The following LARGE1 variants were observed in gnomAD, a reference collection of about 807,000 sequenced individuals.
The protein encoded by LARGE1 is LARGE xylosyl- and glucuronyltransferase 1.
Under a neutral mutation model 87.6 loss-of-function variants are expected in LARGE1, and 43 were observed. The ratio of observed to expected loss-of-function variants is 0.49; its 90% CI spans 0.38 to 0.63. The LOEUF (loss-of-function observed/expected upper bound fraction) is 0.63. LARGE1 is among the 30% of genes least tolerant of loss of function. LARGE1 has a pLI of 0.00. For synonymous variants in LARGE1, 434 were observed against 394.6 expected, an observed-to-expected ratio of 1.10 and a Z score of -1.18; for missense variants, 802 against 1,000.2, an observed-to-expected ratio of 0.80 and a Z score of 2.67.
intron 11 of LARGE1, among the ~76,000 whole-genome samples, chr22:33,315,157 G>A (rs756345835): frequency 2.0e-5 from 3 of 152,150 alleles, no homozygotes; most frequent in Non-Finnish European, 4.4e-5. Flanking sequence ...TGCTGTTTAT[G>A]TGACTAGCTC....
chr22:33,593,123 G>C (rs71313167), intron 5 of LARGE1, among the ~76,000 whole-genome samples: 13,950 of 152,120 alleles, frequency 0.092, 763 homozygotes, highest in Middle Eastern at 0.15. Flanking sequence ...ACAGGCGTGA[G>C]CCACAGCGCC....
chr22:33,770,771 G>A (rs769425789), intron 1 of LARGE1, among the ~76,000 whole-genome samples: 1 of 152,138 alleles, frequency 6.6e-6, no homozygotes, highest in Non-Finnish European at 1.5e-5. Context: ...TTATGTGTAT[G>A]TGTGTGCATG....
intron 1 of LARGE1, among the ~76,000 whole-genome samples, chr22:33,829,022 T>TTC (rs2062886621): frequency 6.8e-6 from 1 of 146,578 alleles, no homozygotes; most frequent in Non-Finnish European, 1.5e-5. Context: ...TTTTTTTTTT[T>TTC]TTTTTTGAGA....
At chr22:33,359,885 GT>G (rs2064321820) in intron 9 of LARGE1, among the ~76,000 whole-genome samples, 1 of 149,516 alleles carries the variant, frequency 6.7e-6, no homozygotes, top group African/African-American at 2.5e-5. Context: ...CTTAACGTGT[GT>G]TCTGAGCTAG....
chr22:33,771,413 C>A (rs1458401914), intron 1 of LARGE1, among the ~76,000 whole-genome samples: 2 of 152,134 alleles, frequency 1.3e-5, no homozygotes, highest in African/African-American at 4.8e-5. Flanking sequence ...TTCAGTTAAT[C>A]ATTTCTGATT....
In LARGE1 at chr22:33,390,764, G is replaced by C. The variant is rs1024037165; in HGVS notation, c.893-6460C>G. On this transcript the variant is annotated intron_variant, in intron 7 of 14. Coordinates refer to ENST00000397394, the MANE Select transcript of LARGE1 (RefSeq NM_133642.5). The stretch of plus-strand genomic sequence containing the variant: ...GAGTGCAGTGAGTGGCACGATCTCA[G>C]CTCACTGCACCCTCCGCCTCCCAGG... 5.3e-5 allele frequency among the ~76,000 whole-genome samples: 8 copies of C among 150,636 alleles called. No homozygotes were observed. In the East Asian group the frequency reaches 1.6e-3, roughly 30 times the overall value.
At chr22:33,267,261 CA>C (rs575099469) in intron 11 of LARGE1, among the ~76,000 whole-genome samples, 27 of 151,392 alleles carry the variant, frequency 1.8e-4, no homozygotes, top group Non-Finnish European at 3.4e-4. Flanking sequence ...AATAAAACCC[CA>C]AAAAATCCCT....
At chr22:33,845,155 C>G (rs1467121381) in intron 1 of LARGE1, among the ~76,000 whole-genome samples, 1 of 152,176 alleles carries the variant, frequency 6.6e-6, no homozygotes, top group Non-Finnish European at 1.5e-5. Flanking sequence ...TCCCACTTAC[C>G]TGAGTCTCTC....
At chr22:33,448,607 T>C (rs893097289) in intron 6 of LARGE1, among the ~76,000 whole-genome samples, 3 of 152,136 alleles carry the variant, frequency 2.0e-5, no homozygotes, top group African/African-American at 7.2e-5. Flanking sequence ...TCTCAGACTT[T>C]AAGGTGTCCC....
chr22:33,774,519 G>A (rs888112843), intron 1 of LARGE1, among the ~76,000 whole-genome samples: 3 of 151,594 alleles, frequency 2.0e-5, no homozygotes, highest in Non-Finnish European at 4.4e-5. Flanking sequence ...ACCACACCCA[G>A]CTAATTTTTG....
intron 13 of LARGE1, among the ~76,000 whole-genome samples, chr22:33,278,860 C>T (rs1003594883): frequency 3.3e-5 from 5 of 152,204 alleles, no homozygotes; most frequent in African/African-American, 1.2e-4. Flanking sequence ...GCTAGGACTA[C>T]AGGCACGCAT....
chr22:33,915,699 C>G (rs1390454597), intron 1 of LARGE1, among the ~76,000 whole-genome samples: 1 of 152,150 alleles, frequency 6.6e-6, no homozygotes, highest in Non-Finnish European at 1.5e-5. Flanking sequence ...GATTTTATCT[C>G]GCAACCATTC....
At chr22:33,282,364 C>T (rs1049104175) in intron 13 of LARGE1, among the ~76,000 whole-genome samples, 1 of 148,694 alleles carries the variant, frequency 6.7e-6, no homozygotes, top group Non-Finnish European at 1.5e-5. Flanking sequence ...ACAAACAAAA[C>T]AAACAAACAA....
chr22:33,331,348 T>C (rs1341522882), intron 10 of LARGE1, among the ~76,000 whole-genome samples: 1 of 152,076 alleles, frequency 6.6e-6, no homozygotes, highest in Non-Finnish European at 1.5e-5. Flanking sequence ...GTTAAAATAA[T>C]GCAAAAATTA....
At chr22:33,289,144 G>C (rs1367503949) in intron 12 of LARGE1, among the ~76,000 whole-genome samples, 1 of 152,058 alleles carries the variant, frequency 6.6e-6, no homozygotes, top group Non-Finnish European at 1.5e-5. Flanking sequence ...ATTTTTACTA[G>C]AGACAGGTTT....
chr22:33,826,468 G>C (rs1289157210), intron 1 of LARGE1, among the ~76,000 whole-genome samples: 7 of 151,534 alleles, frequency 4.6e-5, no homozygotes, highest in Non-Finnish European at 1.5e-5. Flanking sequence ...TCAGCCTCCT[G>C]AGTAGCTGGG....
intron 9 of LARGE1, among the ~76,000 whole-genome samples, chr22:33,348,742 G>C (rs1212397273): frequency 6.6e-6 from 1 of 151,724 alleles, no homozygotes; most frequent in East Asian, 1.9e-4. Context: ...CACTATTTGA[G>C]CTGGGACATC....
chr22:33,697,738 A>C (rs1005953318), intron 2 of LARGE1, among the ~76,000 whole-genome samples: 5 of 152,072 alleles, frequency 3.3e-5, no homozygotes. Flanking sequence ...ATGTTCTTCA[A>C]AGAAGAAAGA....
chr22:33,102,223 C>G, the LARGE1 span, among the ~76,000 whole-genome samples: 1 of 150,924 alleles, frequency 6.6e-6, no homozygotes, highest in African/African-American at 2.4e-5. Context: ...GTCTGGAGTG[C>G]AGTGATGCAA....
Sources: gnomAD v4.1 joint callset for allele counts (sites outside exome capture counted in the v4.1 genomes callset) on GRCh38, gnomAD v4.1.1 for gene constraint, MANE v1.5 for transcripts, NCBI Gene and HGNC (gene_info 2026-07-23, HGNC 2026-07-21) for gene names.